Variants in BACH2 observed in about 807,000 individuals in gnomAD.
BACH2 encodes BACH transcriptional regulator 2.
A neutral mutation model predicts 61.8 loss-of-function variants in BACH2; 5 were observed. That is an observed-to-expected ratio of 0.08 (90% CI 0.04 to 0.17). The LOEUF is 0.17. BACH2 is among the 10% of genes least tolerant of loss of function. The pLI is 1.00. For synonymous variants in BACH2, 446 were observed against 440.1 expected (o/e 1.01, Z -0.17); for missense variants, 824 against 1,091.1 (o/e 0.76, Z 3.45).
intron 6 of BACH2, among the ~76,000 whole-genome samples, chr6:89,968,506 G>A (rs9451304): frequency 0.1 from 15,810 of 152,186 alleles, 868 homozygotes; most frequent in African/African-American, 0.13. Context: ...AAAAGTCCAC[G>A]TTTTCATGCT....
intron 5 of BACH2, among the ~76,000 whole-genome samples, chr6:90,034,753 CTT>C (rs962629569): frequency 6.6e-6 from 1 of 152,124 alleles, no homozygotes; most frequent in African/African-American, 2.4e-5. Flanking sequence ...TAATGTCTCT[CTT>C]TGAGCACCAA....
intron 4 of BACH2, among the ~76,000 whole-genome samples, chr6:90,159,760 G>A (rs1272658960): frequency 6.6e-6 from 1 of 152,188 alleles, no homozygotes. Context: ...TAGTGACATT[G>A]TACTGTACAA....
Position 90,262,166 on chromosome 6 carries a change from C to T in BACH2, c.-352-9576G>A, listed in dbSNP as rs560767133. 1.1e-3 allele frequency among the ~76,000 whole-genome samples: 172 copies of T among 152,332 alleles called. 1 individual carries two copies. Among genetic ancestry groups the T allele is most frequent in the African/African-American group, 3.9e-3 (162 of 41,578 alleles). On this transcript the variant is annotated intron_variant, in intron 2 of 8. Coordinates refer to ENST00000257749, the MANE Select transcript of BACH2 (RefSeq NM_021813.4). ...TAGTCTGATCTTCCTCCACTACCTT[C>T]TCCATGTTCCCAAACTCTCATTATA...
chr6:90,191,978 C>T (rs1768589507), intron 4 of BACH2, among the ~76,000 whole-genome samples: 1 of 152,152 alleles, frequency 6.6e-6, no homozygotes, highest in African/African-American at 2.4e-5. Context: ...GGCCACTGTT[C>T]AAATGACTAG....
chr6:90,200,784 T>A (rs959341095), intron 4 of BACH2, among the ~76,000 whole-genome samples: 1 of 152,180 alleles, frequency 6.6e-6, no homozygotes, highest in Non-Finnish European at 1.5e-5. Flanking sequence ...GGTCTTTTTA[T>A]CATGTATATT....
intron 6 of BACH2, among the ~76,000 whole-genome samples, chr6:90,003,509 T>G (rs921352504): frequency 7.9e-5 from 12 of 152,256 alleles, no homozygotes; most frequent in Admixed American, 2.6e-4. Flanking sequence ...ATTAATTTCC[T>G]CTTTTTCCTC....
In BACH2 at chr6:89,926,842, G is replaced by A. The variant is rs182150964; in HGVS notation, c.*5566C>T. The A allele has an allele frequency of 1.7e-4, 26 of 152,848 alleles. No individual in the cohort carries two copies. The highest frequency in any genetic ancestry group is 6.3e-4 in the African/African-American group (26 of 41,560). 9.5% of individuals were successfully genotyped at this position (152,848 alleles called of 1,614,324 possible). A position where few individuals can be genotyped will look rare whatever the true frequency, so the allele number is the denominator to read the frequency against. On this transcript the variant is annotated 3_prime_UTR_variant, in exon 9 of 9. Transcript: ENST00000257749. ...AACTAGTACAATAAAATGATGCATT[G>A]AATTAAATTACATTAATCGCATAGA...
chr6:90,220,242 T>A (rs924295250), intron 3 of BACH2, among the ~76,000 whole-genome samples: 1 of 152,200 alleles, frequency 6.6e-6, no homozygotes, highest in Non-Finnish European at 1.5e-5. Flanking sequence ...GAAGATGTAT[T>A]TGATATATAG....
chr6:90,076,011 G>A (rs1202358709), intron 5 of BACH2, among the ~76,000 whole-genome samples: 3 of 152,114 alleles, frequency 2.0e-5, no homozygotes, highest in Non-Finnish European at 2.9e-5. Context: ...CAAAAAGGCT[G>A]GCCTCACTTT....
intron 3 of BACH2, 89 bp from the exon 4 acceptor site, chr6:90,206,770 T>C (rs755457625): frequency 2.0e-5 from 3 of 152,300 alleles, no homozygotes; most frequent in Non-Finnish European, 4.4e-5. Flanking sequence ...GCTGTCATGA[T>C]GGCAATGATC....
chr6:90,065,267 CCA>C, intron 5 of BACH2, among the ~76,000 whole-genome samples: 1 of 95,354 alleles, frequency 1.0e-5, no homozygotes. Flanking sequence ...CCTGCCGCCC[CCA>C]CTTTTTTTTT....
chr6:90,160,396 C>T (rs2127832996), intron 4 of BACH2, among the ~76,000 whole-genome samples: 1 of 152,348 alleles, frequency 6.6e-6, no homozygotes, highest in Non-Finnish European at 1.5e-5. Flanking sequence ...AGCTAAAATG[C>T]AGCCATCATA....
chr6:90,176,468 T>C (rs1204767084), intron 4 of BACH2, among the ~76,000 whole-genome samples: 1 of 152,032 alleles, frequency 6.6e-6, no homozygotes, highest in Non-Finnish European at 1.5e-5. Flanking sequence ...CAGCTTAAGG[T>C]GCCTAACAGA....
At chr6:90,247,697 C>T (rs1002575516) in intron 3 of BACH2, among the ~76,000 whole-genome samples, 1 of 152,172 alleles carries the variant, frequency 6.6e-6, no homozygotes, top group Non-Finnish European at 1.5e-5. Context: ...CACCATCATC[C>T]ACCCTATGCT....
At chr6:90,218,425 G>A (rs1769614987) in intron 3 of BACH2, among the ~76,000 whole-genome samples, 1 of 151,744 alleles carries the variant, frequency 6.6e-6, no homozygotes, top group African/African-American at 2.4e-5. Context: ...AAATTCCTAT[G>A]CTCCTCAGCA....
Position 89,928,263 on chromosome 6 carries a change from A to G in BACH2, c.*4145T>C, listed in dbSNP as rs533674428. ...AGTGAAGCAGTTTGAAGTCATTTCT[A>G]AGACAGCTCCTAGTTTAAATGGGGC... On this transcript the variant is annotated 3_prime_UTR_variant, in exon 9 of 9. Coordinates refer to ENST00000257749, the MANE Select transcript of BACH2 (RefSeq NM_021813.4). The G allele has an allele frequency of 6.6e-6, 1 of 152,478 alleles. No individual in the cohort carries two copies. Among genetic ancestry groups the G allele is most frequent in the East Asian group, 1.9e-4 (1 of 5,328 alleles). The allele number at this position is 152,478 out of a possible 1,614,324, so 9.4% of individuals were successfully genotyped here.
rs149397037 is a variant in BACH2 at position 89,979,220 on chromosome 6, T to A, written c.244-27358A>T. Among the ~76,000 whole-genome samples the A allele has an allele frequency of 1.2e-3, 188 of 152,302 alleles. 3 individuals carry two copies. The East Asian group carries it at 0.026, about 21-fold the overall frequency. Reference sequence around the variant, plus strand: ...AAGGCTTCAGGGCTTAGTGATCTGGTTTCAATCCTTCCTCTCATTCTCACC... The same window carrying A: ...AAGGCTTCAGGGCTTAGTGATCTGGATTCAATCCTTCCTCTCATTCTCACC... On this transcript the variant is annotated intron_variant, in intron 6 of 8. Transcript: ENST00000257749.
intron 7 of BACH2, among the ~76,000 whole-genome samples, chr6:89,939,788 C>T (rs972025031): frequency 6.7e-6 from 1 of 149,792 alleles, no homozygotes; most frequent in African/African-American, 2.5e-5. Context: ...CCTTGGCCTC[C>T]CAAGTAGCTG....
At position 89,950,421 on chromosome 6, in the gene BACH2, T is replaced by C. The variant is rs1429995817; in HGVS notation, c.1685A>G (p.Gln562Arg). ...QGARFLATEH[Q>R]EPGLMGDGMY... is the part of the protein sequence containing the mutation. ...TCCATCTCCCATCAGGCCTGGTTCC[T>C]GATGTTCTGTGGCAAGGAATCTGGC... The change falls in exon 7 of 9, where the codon CAG becomes CGG. Residue 562 changes from glutamine to arginine, a missense_variant. Coordinates refer to ENST00000257749, the MANE Select transcript of BACH2 (RefSeq NM_021813.4). The surrounding 1 kb of genome is among the most constrained non-coding windows in gnomAD (Gnocchi z 5.3). 6.2e-7 allele frequency: 1 copy of C among 1,614,140 alleles called. No individual in the cohort carries two copies. The highest frequency in any genetic ancestry group is 8.5e-7 in the Non-Finnish European group (1 of 1,180,018).
Sources: allele counts gnomAD v4.1 joint callset (sites outside exome capture counted in the v4.1 genomes callset), GRCh38; gene constraint gnomAD v4.1.1; non-coding constraint Gnocchi (gnomAD v3.1); transcripts MANE v1.5; gene names NCBI Gene and HGNC (gene_info 2026-07-23, HGNC 2026-07-21).